The following PKHD1L1 variants were observed in gnomAD, a reference collection of about 807,000 sequenced individuals.
PKHD1L1 encodes fibrocystin-L.
A neutral mutation model predicts 462.9 loss-of-function variants in PKHD1L1; 434 were observed. The ratio of observed to expected loss-of-function variants is 0.94; its 90% CI spans 0.87 to 1.02. The LOEUF is 1.02. Ranked by LOEUF, PKHD1L1 falls within the 50% of genes least tolerant of loss-of-function variation. PKHD1L1 has a pLI of 0.00. For synonymous variants in PKHD1L1, 1,781 were observed against 1,750.0 expected, an observed-to-expected ratio of 1.02 and a Z score of -0.44; for missense variants, 5,202 against 5,096.1, an observed-to-expected ratio of 1.02 and a Z score of -0.63.
At chr8:109,485,808 TGCATGA>T (rs1301619409) in intron 58 of PKHD1L1, among the ~76,000 whole-genome samples, 1 of 151,920 alleles carries the variant, frequency 6.6e-6, no homozygotes, top group Admixed American at 6.6e-5. Context: ...ACATTTGACC[TGCATGA>T]AAAAGAAATT....
Position 109,438,403 on chromosome 8 carries a change from G to A in PKHD1L1, c.3707G>A (p.Cys1236Tyr), listed in dbSNP as rs1025850108. Residue 1236 changes from cysteine (C) to tyrosine (Y), a missense_variant, in exon 31 of 78, where the codon TGT (cysteine) becomes TAT (tyrosine). This residue lies in a region of PKHD1L1 where 4,497 missense variants were observed against 4,336.8 expected (regional missense o/e 1.04). Transcript: ENST00000378402. ...GCAAGGGATGCTTTTAGTTATAATT[G>A]TTTACAGACACCAATTATAACTGAT... Reference protein sequence around the residue: ...ATARDAFSYNCLQTPIITDFS... With the variant: ...ATARDAFSYNYLQTPIITDFS... The A allele has an allele frequency of 3.2e-6, 5 of 1,539,868 alleles. No homozygotes were observed. Among genetic ancestry groups the A allele is most frequent in the East Asian group, 2.5e-5 (1 of 40,748 alleles).
rs1821075410 is a variant in PKHD1L1, at chr8:109,533,039, A to T, written c.*2949A>T. ...AGGGTTAGGTTAAATTCCCAAGTTC[A>T]CAGAGCTACTAATGGTAAAGCTGGG... On this transcript the variant is annotated 3_prime_UTR_variant, in exon 78 of 78. Transcript: ENST00000378402. 6.6e-6 allele frequency among the ~76,000 whole-genome samples: 1 copy of T among 152,228 alleles called. No homozygotes were observed. The highest frequency in any genetic ancestry group is 1.5e-5 in the Non-Finnish European group (1 of 68,036).
intron 67 of PKHD1L1, among the ~76,000 whole-genome samples, chr8:109,499,893 G>A (rs1372405510): frequency 6.6e-6 from 1 of 152,198 alleles, no homozygotes; most frequent in Admixed American, 6.5e-5. Context: ...TTGCCACGGA[G>A]TTGATCCCAC....
At chr8:109,413,659 G>T in intron 21 of PKHD1L1, 114 bp downstream of exon 21, 7 of 485,472 alleles carry the variant, frequency 1.4e-5, no homozygotes, top group South Asian at 1.3e-4. Flanking sequence ...GGAGATGAGG[G>T]CAAATAATGC....
rs758699352 is a variant in PKHD1L1 at position 109,452,808 on chromosome 8, A to T, written c.6598A>T (p.Ile2200Phe). Reference sequence around the variant, plus strand: ...CCCAGAAGAAGGATCTCTTGTTGTTATTACAAAAGGACAGACCATTCTGCT... The same window carrying T: ...CCCAGAAGAAGGATCTCTTGTTGTTTTTACAAAAGGACAGACCATTCTGCT... ...SPPEEGSLVV[I>F]TKGQTILLDQ... The change falls in exon 43 of 78, where the codon ATT becomes TTT. Residue 2200 changes from isoleucine to phenylalanine, a missense_variant. Physicochemically the swap from Ile to Phe is conservative, Grantham distance 21. This residue lies in a region of PKHD1L1 where 4,497 missense variants were observed against 4,336.8 expected (regional missense o/e 1.04). Coordinates refer to ENST00000378402, the MANE Select transcript of PKHD1L1 (RefSeq NM_177531.6). 6.5e-7 allele frequency: 1 copy of T among 1,536,930 alleles called. No homozygotes were observed. The highest frequency in any genetic ancestry group is 2.2e-5 in the Admixed American group (1 of 46,310).
chr8:109,432,451 G>T (rs187781741), intron 27 of PKHD1L1, among the ~76,000 whole-genome samples: 3 of 152,138 alleles, frequency 2.0e-5, no homozygotes, highest in Admixed American at 6.5e-5. Flanking sequence ...TCTATATTGT[G>T]CATGGTGTTA....
At chr8:109,441,470 G>C (rs1815790682) in intron 34 of PKHD1L1, 91 bp downstream of exon 34, 4 of 800,526 alleles carry the variant, frequency 5.0e-6, no homozygotes, top group Non-Finnish European at 7.8e-6. Flanking sequence ...AAATTATTGA[G>C]AGACTAAGTA....
chr8:109,509,992 A>G (rs16879680), intron 70 of PKHD1L1, among the ~76,000 whole-genome samples: 2,996 of 152,212 alleles, frequency 0.02, 92 homozygotes, highest in African/African-American at 0.061. Flanking sequence ...GTCATTTTAA[A>G]CCTGCTCAGA....
At chr8:109,370,110 ATTATTTTTAT>A in intron 2 of PKHD1L1, among the ~76,000 whole-genome samples, 1 of 152,154 alleles carries the variant, frequency 6.6e-6, no homozygotes. Context: ...CTGATTCTGT[ATTATTTTTAT>A]TTATTTTTAT....
Position 109,406,464 on chromosome 8 carries a change from T to C in PKHD1L1, c.1799T>C (p.Phe600Ser), listed in dbSNP as rs775362105. Residue 600 changes from phenylalanine to serine, a missense_variant, in exon 17 of 78, where the codon TTC becomes TCC. Physicochemically the swap from Phe to Ser is radical, Grantham distance 155 (BLOSUM62 -2). Around this residue, in one of 3 missense-constraint regions of PKHD1L1, gnomAD observed 4,497 missense variants for 4,336.8 expected, o/e 1.04. Transcript: ENST00000378402. ...NPQSYVYMVT[F>S]ISTRGDFDLL... Reference sequence around the variant, plus strand: ...CAGAGCTATGTCTACATGGTAACATTCATATCAACTAGAGGTAAGCATGTA... The same window carrying C: ...CAGAGCTATGTCTACATGGTAACATCCATATCAACTAGAGGTAAGCATGTA... 2 of 1,601,706 alleles carry C rather than the reference T, an allele frequency of 1.2e-6. No homozygotes were observed. Among genetic ancestry groups the C allele is most frequent in the Admixed American group, 1.7e-5 (1 of 58,414 alleles).
At position 109,436,314 on chromosome 8, in the gene PKHD1L1, T is replaced by C. The variant is rs776048602; in HGVS notation, c.3506-24T>C. 5.6e-6 allele frequency: 9 copies of C among 1,596,582 alleles called. No homozygotes were observed. The Admixed American group carries it at 1.6e-4, about 29-fold the overall frequency. On this transcript the variant is annotated intron_variant, in intron 29 of 77. Coordinates refer to ENST00000378402, the MANE Select transcript of PKHD1L1 (RefSeq NM_177531.6). ...TTATAGTTGAACTGTTTTGTTGTTG[T>C]TTTTGTTTGCTTTTCTTATGAAGGT... is the stretch of plus-strand genomic sequence containing the variant.
At chr8:109,410,993 C>T (rs1195707288) in intron 19 of PKHD1L1, among the ~76,000 whole-genome samples, 1 of 151,870 alleles carries the variant, frequency 6.6e-6, no homozygotes, top group East Asian at 1.9e-4. Context: ...TCCCAAAGTG[C>T]TGGGATTACA....
Position 109,439,098 on chromosome 8 carries a change from A to G in PKHD1L1, c.3956+6A>G. Reference sequence around the variant, plus strand: ...TGGGGTTTTGCATCAACAAGGTATGATAATGAACATAAACTTGATGGAGTT... The same window carrying G: ...TGGGGTTTTGCATCAACAAGGTATGGTAATGAACATAAACTTGATGGAGTT... On this transcript the variant is annotated splice_donor_region_variant and intron_variant, in intron 32 of 77. Transcript: ENST00000378402. 2 of 1,609,198 alleles carry G rather than the reference A, an allele frequency of 1.2e-6. No individual in the cohort carries two copies. The highest frequency in any genetic ancestry group is 1.7e-6 in the Non-Finnish European group (2 of 1,176,864).
In PKHD1L1 at chr8:109,514,453, T is replaced by C. The variant is rs982630751; in HGVS notation, c.11554-717T>C. The stretch of plus-strand genomic sequence containing the variant: ...CACTTAGAATACCACATGGCTGAAA[T>C]AGGAACTCAAAATTTTCTTTTGTAA... On this transcript the variant is annotated intron_variant, in intron 71 of 77. Coordinates refer to ENST00000378402, the MANE Select transcript of PKHD1L1 (RefSeq NM_177531.6). 4.6e-5 allele frequency among the ~76,000 whole-genome samples: 7 copies of C among 152,098 alleles called. 1 individual carries two copies. The highest frequency in any genetic ancestry group is 3.2e-3 in the Middle Eastern group (1 of 316).
chr8:109,402,126 C>A (rs1813303755), intron 14 of PKHD1L1, among the ~76,000 whole-genome samples: 1 of 152,028 alleles, frequency 6.6e-6, no homozygotes, highest in Non-Finnish European at 1.5e-5. Context: ...CATCCAAATA[C>A]CAGATAATCC....
At chr8:109,508,340 A>C in intron 70 of PKHD1L1, 76 bp downstream of exon 70, 1 of 1,412,848 alleles carries the variant, frequency 7.1e-7, no homozygotes, top group South Asian at 1.4e-5. Flanking sequence ...CATCTCATAA[A>C]TTATTTACCC....
chr8:109,508,011 T>C, intron 69 of PKHD1L1, 86 bp from the exon 70 acceptor site: 2 of 1,489,338 alleles, frequency 1.3e-6, no homozygotes, highest in Admixed American at 2.1e-5. Context: ...CTTCTTAAAC[T>C]AGCATAACAA....
At chr8:109,413,074 T>C (rs1813943599) in intron 20 of PKHD1L1, among the ~76,000 whole-genome samples, 1 of 152,146 alleles carries the variant, frequency 6.6e-6, no homozygotes, top group South Asian at 2.1e-4. Context: ...CCTCTCTTCT[T>C]TTCTATGTGC....
intron 36 of PKHD1L1, 95 bp from the exon 37 acceptor site, chr8:109,443,581 A>G: frequency 1.0e-6 from 1 of 992,762 alleles, no homozygotes; most frequent in East Asian, 2.6e-5. Context: ...CAGAATTTAA[A>G]CCATCATCAT....
Sources: allele counts gnomAD v4.1 joint callset (sites outside exome capture counted in the v4.1 genomes callset), GRCh38; gene constraint gnomAD v4.1.1; regional missense constraint gnomAD v4.1.1; transcripts MANE v1.5; gene names NCBI Gene and HGNC (gene_info 2026-07-23, HGNC 2026-07-21).